Variants in ADCY5 observed in about 807,000 individuals in gnomAD.
The protein encoded by ADCY5 is adenylate cyclase 5.
A neutral mutation model predicts 119.7 loss-of-function variants in ADCY5; 30 were observed. The ratio of observed to expected loss-of-function variants is 0.25; its 90% CI spans 0.19 to 0.34. ADCY5 has a LOEUF of 0.34. Among genes scored for constraint, ADCY5 ranks in the 10% least tolerant of loss-of-function variants. The pLI, the probability that ADCY5 is intolerant of heterozygous loss-of-function variation, is 1.00. For synonymous variants in ADCY5, 753 were observed against 762.2 expected (o/e 0.99, Z 0.20); for missense variants, 1,324 against 1,775.2 (o/e 0.75, Z 4.57).
intron 3 of ADCY5, among the ~76,000 whole-genome samples, chr3:123,345,773 C>CAG (rs1942517678): frequency 1.3e-5 from 1 of 76,812 alleles, no homozygotes; most frequent in African/African-American, 5.7e-5. Flanking sequence ...CAGACAGACA[C>CAG]ACACACACAC....
intron 1 of ADCY5, among the ~76,000 whole-genome samples, chr3:123,355,638 T>TAAA (rs149008217): frequency 6.9e-5 from 10 of 143,986 alleles, no homozygotes; most frequent in Non-Finnish European, 1.5e-4. Flanking sequence ...AGTAGAAATC[T>TAAA]AAAAAAAAAA....
intron 2 of ADCY5, among the ~76,000 whole-genome samples, chr3:123,350,721 T>A (rs2108492540): frequency 6.6e-6 from 1 of 152,326 alleles, no homozygotes; most frequent in Non-Finnish European, 1.5e-5. Flanking sequence ...TGGCTCCGAA[T>A]ATGGAATGGC....
intron 1 of ADCY5, among the ~76,000 whole-genome samples, chr3:123,386,418 C>T (rs1439034865): frequency 6.6e-6 from 1 of 152,222 alleles, no homozygotes; most frequent in Non-Finnish European, 1.5e-5. Context: ...TGCTGCCACT[C>T]CCCACCCATA....
Position 123,448,622 on chromosome 3 carries a change from C to G in ADCY5, c.-77G>C. On this transcript the variant is annotated 5_prime_UTR_variant, in exon 1 of 21. Coordinates refer to ENST00000462833, the MANE Select transcript of ADCY5 (RefSeq NM_183357.3). ...GGGTCTCCAAGGGGAGGGCGGACGG[C>G]CGAGCAGGGGGACCAGGCTAGGGTC... is the stretch of plus-strand genomic sequence containing the variant. The G allele has an allele frequency of 8.1e-7, 1 of 1,236,716 alleles. No homozygotes were observed. Among genetic ancestry groups the G allele is most frequent in the Non-Finnish European group, 1.0e-6 (1 of 984,032 alleles). The allele number at this position is 1,236,716 out of a possible 1,614,324, so 76.6% of individuals were successfully genotyped here. A position where few individuals can be genotyped will look rare whatever the true frequency, so the allele number is the denominator to read the frequency against.
intron 1 of ADCY5, among the ~76,000 whole-genome samples, chr3:123,390,522 CCA>C (rs773637043): frequency 1.3e-5 from 2 of 152,194 alleles, no homozygotes; most frequent in Non-Finnish European, 2.9e-5. Context: ...TTCTCTGCAT[CCA>C]CAGAGGTGCA....
chr3:123,286,866 A>G lies in ADCY5; in HGVS notation c.3533-57T>C, dbSNP rs1451845361. 5 of 1,527,164 alleles carry G rather than the reference A, an allele frequency of 3.3e-6. No homozygotes were observed. Among genetic ancestry groups the G allele is most frequent in the Non-Finnish European group, 4.4e-6 (5 of 1,140,348 alleles). The allele number at this position is 1,527,164 out of a possible 1,614,324, so 94.6% of individuals were successfully genotyped here. The stretch of plus-strand genomic sequence containing the variant: ...ACATCTCTGGCTTGACCTTGCCACC[A>G]TCTGTCTCCCCACATGCTGCAGGTC... On this transcript the variant is annotated intron_variant, in intron 19 of 20. Transcript: ENST00000462833. The surrounding 1 kb of genome is among the most constrained non-coding windows in gnomAD (Gnocchi z 4.2).
Position 123,286,662 on chromosome 3 carries a change from G to T in ADCY5, c.3657+23C>A. On this transcript the variant is annotated intron_variant, in intron 20 of 20. Transcript: ENST00000462833. The surrounding 1 kb of genome is among the most constrained non-coding windows in gnomAD (Gnocchi z 4.2). ...CACAGGACCTCCCATGGGGTGAGGG[G>T]TGGTGGATGCTCCTGCACTCACCTG... 1.9e-6 allele frequency: 3 copies of T among 1,590,366 alleles called. No homozygotes were observed. The highest frequency in any genetic ancestry group is 1.2e-5 in the South Asian group (1 of 86,930).
intron 1 of ADCY5, among the ~76,000 whole-genome samples, chr3:123,428,757 G>A (rs1453980924): frequency 2.0e-5 from 3 of 152,170 alleles, no homozygotes; most frequent in Admixed American, 6.5e-5. Context: ...ATTTGCGGGG[G>A]GTGCCTATTT....
chr3:123,390,523 CA>C (rs200439755), intron 1 of ADCY5, among the ~76,000 whole-genome samples: 2 of 152,302 alleles, frequency 1.3e-5, no homozygotes, highest in East Asian at 3.9e-4. Context: ...TCTCTGCATC[CA>C]CAGAGGTGCA....
intron 3 of ADCY5, among the ~76,000 whole-genome samples, chr3:123,343,348 T>A (rs1942375604): frequency 1.3e-5 from 2 of 152,216 alleles, no homozygotes; most frequent in Middle Eastern, 3.4e-3. Flanking sequence ...TGAATGGCCA[T>A]CCCATGTTAC....
chr3:123,372,931 TTGAACCCAGACAAGC>T (rs1943687404), intron 1 of ADCY5, among the ~76,000 whole-genome samples: 1 of 152,100 alleles, frequency 6.6e-6, no homozygotes. Context: ...AAAGCCACCT[TTGAACCCAGACAAGC>T]TGAACCCTGA....
At chr3:123,310,924 G>A (rs1223913614) in intron 12 of ADCY5, among the ~76,000 whole-genome samples, 1 of 152,158 alleles carries the variant, frequency 6.6e-6, no homozygotes, top group Admixed American at 6.5e-5. Flanking sequence ...GAGATAAAAA[G>A]GCCACCAGAG....
At chr3:123,431,320 C>T (rs1355258597) in intron 1 of ADCY5, among the ~76,000 whole-genome samples, 1 of 152,270 alleles carries the variant, frequency 6.6e-6, no homozygotes, top group East Asian at 1.9e-4. Flanking sequence ...ATCATATCCC[C>T]CCTACTCAGG....
intron 1 of ADCY5, among the ~76,000 whole-genome samples, chr3:123,408,914 G>A (rs1316936448): frequency 6.6e-6 from 1 of 152,090 alleles, no homozygotes; most frequent in Non-Finnish European, 1.5e-5. Flanking sequence ...GGCAGAGGTT[G>A]CAGTGAGCCG....
At chr3:123,421,832 T>C (rs980342092) in intron 1 of ADCY5, among the ~76,000 whole-genome samples, 7 of 152,186 alleles carry the variant, frequency 4.6e-5, no homozygotes, top group Non-Finnish European at 1.0e-4. Context: ...GGGGGAGGAC[T>C]GTGGGAGAGA....
At position 123,406,491 on chromosome 3, in the gene ADCY5, T is replaced by A. The variant is rs374043928; in HGVS notation, c.1134+40921A>T. On this transcript the variant is annotated intron_variant, in intron 1 of 20. Coordinates refer to ENST00000462833, the MANE Select transcript of ADCY5 (RefSeq NM_183357.3). ...AAACCTACGGTTTAAAATACCCACA[T>A]GCAGGGCTCCCCAGGCAGTCACAGA... Among the ~76,000 whole-genome samples the A allele has an allele frequency of 2.6e-5, 4 of 152,332 alleles. No homozygotes were observed. In the Middle Eastern group the frequency reaches 0.01, roughly 389 times the overall value.
chr3:123,300,708 A>G (rs945570085), intron 14 of ADCY5, among the ~76,000 whole-genome samples: 5 of 152,158 alleles, frequency 3.3e-5, no homozygotes, highest in Non-Finnish European at 7.4e-5. Flanking sequence ...AGCACCCTCA[A>G]TAACCGTGGG....
intron 4 of ADCY5, among the ~76,000 whole-genome samples, 196 bp from the exon 5 acceptor site, chr3:123,331,212 G>A (rs1488413413): frequency 1.3e-5 from 2 of 152,178 alleles, no homozygotes; most frequent in African/African-American, 4.8e-5. Flanking sequence ...GGGATTGTGG[G>A]GATGGAGGGA....
intron 1 of ADCY5, among the ~76,000 whole-genome samples, chr3:123,441,932 T>C (rs1177195647): frequency 7.1e-6 from 1 of 141,476 alleles, no homozygotes; most frequent in Non-Finnish European, 1.5e-5. Flanking sequence ...CACAATGCTG[T>C]AAAGAGAGAT....
Sources: allele counts gnomAD v4.1 joint callset (sites outside exome capture counted in the v4.1 genomes callset), GRCh38; gene constraint gnomAD v4.1.1; non-coding constraint Gnocchi (gnomAD v3.1); transcripts MANE v1.5; gene names NCBI Gene and HGNC (gene_info 2026-07-23, HGNC 2026-07-21).